Variants in SPEF2 observed in about 807,000 individuals in gnomAD.
SPEF2 encodes the protein sperm flagella and cilia-associated protein 2.
In SPEF2, 187 loss-of-function variants were observed where a neutral mutation model predicts 224.6. The observed-to-expected ratio is 0.83, with a 90% CI of 0.74 to 0.94. The LOEUF is 0.94. Among genes scored for constraint, SPEF2 ranks in the 40% least tolerant of loss-of-function variants. The pLI is 0.00. For missense variants in SPEF2, 2,170 were observed against 2,135.6 expected (o/e 1.02, Z -0.32); for synonymous variants, 715 against 707.3 (o/e 1.01, Z -0.17).
chr5:35,792,340 G>A lies in SPEF2; in HGVS notation c.4448G>A (p.Gly1483Asp), dbSNP rs1254153019. 3.7e-6 allele frequency: 6 copies of A among 1,610,844 alleles called. No individual in the cohort carries two copies. Among genetic ancestry groups the A allele is most frequent in the South Asian group, 1.1e-5 (1 of 90,792 alleles). Residue 1483 changes from glycine to aspartate, a missense_variant and splice_region_variant, in exon 31 of 37, where the codon GGC becomes GAC. Physicochemically the swap from Gly to Asp is moderately conservative, Grantham distance 94. Coordinates refer to ENST00000356031, the MANE Select transcript of SPEF2 (RefSeq NM_024867.4). ...RDQFLDMAPK[G>D]IIGNKAFTDI... ...CAAAATATTTTTCATTGTATTATAG[G>A]CATAATAGGAAATAAAGCATTTACT... is the stretch of plus-strand genomic sequence containing the variant.
At position 35,788,655 on chromosome 5, in the gene SPEF2, A is replaced by G; in HGVS notation, c.4448-3685A>G. The G allele has an allele frequency of 1.0e-5, 7 of 703,036 alleles. No homozygotes were observed. In the South Asian group the frequency reaches 1.0e-4, roughly 10 times the overall value. 43.5% of individuals were successfully genotyped at this position (703,036 alleles called of 1,614,324 possible). A position where few individuals can be genotyped will look rare whatever the true frequency, so the allele number is the denominator to read the frequency against. On this transcript the variant is annotated intron_variant, in intron 30 of 36. Transcript: ENST00000356031. ...AGACTGTCGAGCCAAGACTGGGCAA[A>G]GAAGCTGGTTGGTTTTGGAAGTGAT...
At chr5:35,730,251 G>A (rs1202476196) in intron 21 of SPEF2, among the ~76,000 whole-genome samples, 1 of 152,208 alleles carries the variant, frequency 6.6e-6, no homozygotes, top group Non-Finnish European at 1.5e-5. Flanking sequence ...CCTTTTGCCA[G>A]CCACAAGAGA....
At position 35,654,527 on chromosome 5, in the gene SPEF2, C is replaced by A; in HGVS notation, c.792-13C>A. ...ATTATTTAAAAATCTAAAATAAAAA[C>A]TATTATTCTTAGTGCATCCAAGACT... is the stretch of plus-strand genomic sequence containing the variant. On this transcript the variant is annotated splice_polypyrimidine_tract_variant and intron_variant, in intron 6 of 36. Coordinates refer to ENST00000356031, the MANE Select transcript of SPEF2 (RefSeq NM_024867.4). 6.5e-7 allele frequency: 1 copy of A among 1,543,040 alleles called. No homozygotes were observed. The highest frequency in any genetic ancestry group is 2.3e-5 in the East Asian group (1 of 43,688).
intron 14 of SPEF2, 42 bp downstream of exon 14, chr5:35,695,838 C>A: frequency 6.9e-7 from 1 of 1,456,996 alleles, no homozygotes; most frequent in Non-Finnish European, 9.5e-7. Context: ...CATATTAAAA[C>A]CTGTCATGAT....
intron 10 of SPEF2, chr5:35,670,529 T>C: frequency 9.7e-7 from 1 of 1,028,502 alleles, no homozygotes; most frequent in Non-Finnish European, 1.2e-6. Context: ...TTAGCATTTT[T>C]CTTTGTATGG....
chr5:35,800,086 G>A lies in SPEF2; in HGVS notation c.4949G>A (p.Ser1650Asn), dbSNP rs372941053. 2 of 1,614,108 alleles carry A rather than the reference G, an allele frequency of 1.2e-6. No individual in the cohort carries two copies. The highest frequency in any genetic ancestry group is 1.7e-5 in the Admixed American group (1 of 60,024). Residue 1650 changes from serine to asparagine, a missense_variant, in exon 34 of 37, where the codon AGT (serine) becomes AAT (asparagine). By Grantham distance (46) the Ser-to-Asn change is conservative. Coordinates refer to ENST00000356031, the MANE Select transcript of SPEF2 (RefSeq NM_024867.4). ...DTVEGVYRAL[S>N]VAVGTHVFQQ... Reference sequence around the variant, plus strand: ...GTGGAAGGAGTCTACAGGGCCCTCAGTGTGGCTGTTGGAACTCATGTCTTC... The same window carrying A: ...GTGGAAGGAGTCTACAGGGCCCTCAATGTGGCTGTTGGAACTCATGTCTTC...
intron 18 of SPEF2, 92 bp from the exon 19 acceptor site, chr5:35,708,855 TG>T (rs1740542462): frequency 8.5e-7 from 1 of 1,169,618 alleles, no homozygotes; most frequent in Admixed American, 2.4e-5. Flanking sequence ...TACGTAAGAT[TG>T]TTTTATATTA....
intron 26 of SPEF2, 80 bp downstream of exon 26, chr5:35,763,782 A>C: frequency 7.6e-7 from 1 of 1,324,348 alleles, no homozygotes; most frequent in Non-Finnish European, 1.0e-6. Context: ...ATAAGTGGAA[A>C]ATTGACACAA....
chr5:35,791,652 T>G (rs1755975311), intron 30 of SPEF2: 1 of 152,168 alleles, frequency 6.6e-6, no homozygotes, highest in South Asian at 2.1e-4. Flanking sequence ...ATTTATTTCT[T>G]AATGCTTGTG....
In SPEF2 at chr5:35,770,026, TGTGC is replaced by T. The variant is rs35144593; in HGVS notation, c.3802-1579_3802-1576del. On this transcript the variant is annotated intron_variant, in intron 26 of 36. Coordinates refer to ENST00000356031, the MANE Select transcript of SPEF2 (RefSeq NM_024867.4). ...GTGTGTGTGTGTGTGTGTGTGTGCATGTGCGTGTGTGTGTGTGTGTGTGTGTTGT... is the reference window on the plus strand; with the variant it reads ...GTGTGTGTGTGTGTGTGTGTGTGCATGTGTGTGTGTGTGTGTGTGTGTTGT... Among the ~76,000 whole-genome samples, 84 of 117,602 alleles carry T rather than the reference TGTGC, an allele frequency of 7.1e-4. No homozygotes were observed. The South Asian group carries it at 8.5e-3, about 12-fold the overall frequency. 77.2% of individuals were successfully genotyped at this position (117,602 alleles called of 152,430 possible).
chr5:35,666,585 A>G (rs377246577), intron 8 of SPEF2, among the ~76,000 whole-genome samples: 1 of 152,178 alleles, frequency 6.6e-6, no homozygotes, highest in African/African-American at 2.4e-5. Flanking sequence ...GGGACTTTCT[A>G]AAATATTTTC....
chr5:35,746,316 A>G (rs576833833), intron 23 of SPEF2, among the ~76,000 whole-genome samples: 8 of 152,338 alleles, frequency 5.3e-5, no homozygotes, highest in African/African-American at 1.9e-4. Flanking sequence ...ATCCAAACCA[A>G]GAAATCCCTG....
chr5:35,671,653 T>G (rs1217271188), intron 10 of SPEF2: 4 of 447,428 alleles, frequency 8.9e-6, no homozygotes, highest in Non-Finnish European at 8.9e-6. Context: ...CTCTTACAAA[T>G]CAGGAGACCT....
intron 4 of SPEF2, among the ~76,000 whole-genome samples, chr5:35,645,662 CCTGT>C (rs762409782): frequency 5.9e-5 from 9 of 152,146 alleles, no homozygotes; most frequent in East Asian, 3.9e-4. Flanking sequence ...GTGGAACCAG[CCTGT>C]CTATTAGTGC....
At chr5:35,646,522 C>A in intron 4 of SPEF2, 145 bp from the exon 5 acceptor site, 1 of 639,018 alleles carries the variant, frequency 1.6e-6, no homozygotes, top group Non-Finnish European at 2.6e-6. Flanking sequence ...CTTAATATTA[C>A]ACAGTTGTGA....
intron 34 of SPEF2, among the ~76,000 whole-genome samples, chr5:35,800,352 G>C (rs1346411346): frequency 6.6e-6 from 1 of 152,054 alleles, no homozygotes; most frequent in Non-Finnish European, 1.5e-5. Context: ...GATTTTTGTG[G>C]TAAAATCAAG....
chr5:35,659,040 CTGAT>C lies in SPEF2; in HGVS notation c.1002_1005del (p.Ile335ThrfsTer3). On this transcript the variant is annotated frameshift_variant, in exon 8 of 37. Coordinates refer to ENST00000356031, the MANE Select transcript of SPEF2 (RefSeq NM_024867.4). LOFTEE classifies it high-confidence loss of function. ...TCAGGAGGCTTATCGGGAGGAACAG[CTGAT>C]TAACCGGCTGATGCGGCAGTCCCAG... 1 of 1,576,870 alleles carries C rather than the reference CTGAT, an allele frequency of 6.3e-7. No individual in the cohort carries two copies. Among genetic ancestry groups the C allele is most frequent in the South Asian group, 1.2e-5 (1 of 86,084 alleles).
chr5:35,793,302 G>A lies in SPEF2; in HGVS notation c.4698G>A (p.Lys1566=), dbSNP rs1245425519. ...TTCAGAAGTTCAAGGCTGTGGATAA[G>A]GAGCAGTTGGGCACCATCACTTTTG... ...ETLQKFKAVD[K]EQLGTITFEQ... Residue 1566 remains lysine (K), a synonymous_variant, in exon 32 of 37, where the codon AAG becomes AAA. Transcript: ENST00000356031. The A allele has an allele frequency of 5.0e-6, 8 of 1,614,100 alleles. No homozygotes were observed. In the East Asian group the frequency reaches 1.6e-4, roughly 31 times the overall value.
At chr5:35,686,719 T>C (rs1753681194) in intron 10 of SPEF2, among the ~76,000 whole-genome samples, 1 of 152,154 alleles carries the variant, frequency 6.6e-6, no homozygotes, top group Non-Finnish European at 1.5e-5. Context: ...TTACTATGAA[T>C]TTGAACATTT....
Sources: gnomAD v4.1 joint callset for allele counts (sites outside exome capture counted in the v4.1 genomes callset) on GRCh38, gnomAD v4.1.1 for gene constraint, MANE v1.5 for transcripts, NCBI Gene and HGNC (gene_info 2026-07-23, HGNC 2026-07-21) for gene names.